CLINT1: variants seen among roughly 807,000 people sequenced by gnomAD.
CLINT1 encodes clathrin interactor 1, also known as clathrin interacting protein localized in the trans-Golgi region.
Under a neutral mutation model 70.4 loss-of-function variants are expected in CLINT1, and 15 were observed. The observed-to-expected ratio is 0.21, with a 90% confidence interval of 0.14 to 0.33. CLINT1 has a LOEUF of 0.33. Among genes scored for constraint, CLINT1 ranks in the 10% least tolerant of loss-of-function variants. The probability of loss-of-function intolerance (pLI) is 1.00; values close to 1 mark genes in which losing one functional copy is unlikely to be tolerated. For synonymous variants in CLINT1, 227 were observed against 254.7 expected (o/e 0.89, Z 1.04); for missense variants, 615 against 778.1 (o/e 0.79, Z 2.49).
chr5:157,788,013 G>A (rs1403226094), intron 11 of CLINT1, 21 bp from the exon 12 acceptor site: 7 of 1,563,688 alleles, frequency 4.5e-6, no homozygotes, highest in Non-Finnish European at 6.1e-6. Context: ...AAAACAGACA[G>A]AAGAACTTTA....
intron 1 of CLINT1, among the ~76,000 whole-genome samples, chr5:157,824,429 T>C (rs913166967): frequency 1.3e-5 from 2 of 152,122 alleles, no homozygotes; most frequent in Non-Finnish European, 2.9e-5. Flanking sequence ...TGAGGCTCTA[T>C]AGAAATGATG....
intron 1 of CLINT1, among the ~76,000 whole-genome samples, chr5:157,832,942 C>T (rs1291076774): frequency 2.0e-5 from 3 of 152,198 alleles, no homozygotes; most frequent in South Asian, 2.1e-4. Context: ...CTCTCTACTT[C>T]GACTCATCTT....
chr5:157,816,058 A>G (rs1260277707), intron 3 of CLINT1, among the ~76,000 whole-genome samples: 3 of 152,246 alleles, frequency 2.0e-5, no homozygotes, highest in Non-Finnish European at 2.9e-5. Flanking sequence ...CACACCTACC[A>G]TACAACCTGA....
rs1423161242 is a variant in CLINT1 at position 157,787,552 on chromosome 5, AAAAG to A, written c.*90_*93del. 3 of 1,014,144 alleles carry A rather than the reference AAAAG, an allele frequency of 3.0e-6. No individual in the cohort carries two copies. The highest frequency in any genetic ancestry group is 1.6e-5 in the African/African-American group (1 of 62,034). 62.8% of individuals were successfully genotyped at this position (1,014,144 alleles called of 1,614,324 possible). On this transcript the variant is annotated 3_prime_UTR_variant, in exon 12 of 12. Transcript: ENST00000411809. ...TGTAGATTTATTTTAATTACTTGAT[AAAAG>A]AAAGGGTAGTTGATTAGCATTTTCC... is the stretch of plus-strand genomic sequence containing the variant.
At chr5:157,852,110 T>C (rs956905349) in intron 1 of CLINT1, among the ~76,000 whole-genome samples, 1 of 152,246 alleles carries the variant, frequency 6.6e-6, no homozygotes, top group Non-Finnish European at 1.5e-5. Context: ...TTTGCATTTA[T>C]GAAATAAATC....
At chr5:157,839,092 G>A (rs1304582389) in intron 1 of CLINT1, among the ~76,000 whole-genome samples, 1 of 152,008 alleles carries the variant, frequency 6.6e-6, no homozygotes, top group East Asian at 1.9e-4. Context: ...GGCCAGATGT[G>A]GTGGTGTATG....
intron 1 of CLINT1, among the ~76,000 whole-genome samples, chr5:157,851,621 T>C (rs533576240): frequency 7.0e-6 from 1 of 143,358 alleles, no homozygotes; most frequent in South Asian, 2.2e-4. Context: ...CGCTTAAACC[T>C]AGGAGGCTGA....
chr5:157,838,992 T>C (rs550269502), intron 1 of CLINT1, among the ~76,000 whole-genome samples: 1 of 152,318 alleles, frequency 6.6e-6, no homozygotes, highest in Non-Finnish European at 1.5e-5. Flanking sequence ...CCCAGCACTT[T>C]GGGAGGTGGG....
At chr5:157,813,486 CAATTA>C (rs533469650) in intron 4 of CLINT1, among the ~76,000 whole-genome samples, 216 of 152,172 alleles carry the variant, frequency 1.4e-3, no homozygotes, top group Non-Finnish European at 2.0e-3. Context: ...TATGCAAGGT[CAATTA>C]AAGATTGACC....
In CLINT1 at chr5:157,787,877, C is replaced by T. The variant is rs1247418699; in HGVS notation, c.1647G>A (p.Met549Ile). 2 of 1,613,770 alleles carry T rather than the reference C, an allele frequency of 1.2e-6. No homozygotes were observed. The highest frequency in any genetic ancestry group is 1.7e-6 in the Non-Finnish European group (2 of 1,179,840). Residue 549 changes from methionine to isoleucine, a missense_variant, in exon 12 of 12, where the codon ATG (methionine) becomes ATA (isoleucine). Met to Ile is a conservative substitution (Grantham distance 10, BLOSUM62 1). Transcript: ENST00000411809. ...TCATCACATTGGGCATGCTCATAGG[C>T]ATGGGTCCCCCTATCAAAGCATTAG... ...PQTNALIGGP[M>I]PMSMPNVMTG...
intron 1 of CLINT1, among the ~76,000 whole-genome samples, chr5:157,839,550 C>T (rs1430091932): frequency 6.7e-6 from 1 of 149,852 alleles, no homozygotes; most frequent in Admixed American, 6.7e-5. Context: ...TGCAGTGAGC[C>T]GAGATTGTGC....
At chr5:157,858,468 C>A (rs1045290883) in intron 1 of CLINT1, among the ~76,000 whole-genome samples, 1 of 152,170 alleles carries the variant, frequency 6.6e-6, no homozygotes, top group African/African-American at 2.4e-5. Context: ...AAGACACACC[C>A]CAACCAGGTC....
At chr5:157,831,761 T>C (rs1210269573) in intron 1 of CLINT1, among the ~76,000 whole-genome samples, 2 of 150,994 alleles carry the variant, frequency 1.3e-5, no homozygotes, top group African/African-American at 4.9e-5. Flanking sequence ...TGGCACAATC[T>C]TGGCTCACTG....
intron 8 of CLINT1, chr5:157,796,087 A>G (rs1222565538): frequency 6.6e-6 from 1 of 152,222 alleles, no homozygotes; most frequent in South Asian, 2.1e-4. Context: ...AGGGAGAAAT[A>G]TCAATACAAT....
chr5:157,837,969 C>CT (rs1285445049), intron 1 of CLINT1, among the ~76,000 whole-genome samples: 3 of 151,972 alleles, frequency 2.0e-5, no homozygotes, highest in African/African-American at 7.3e-5. Context: ...CAGCCAAGAT[C>CT]TTTTACTCTT....
intron 11 of CLINT1, among the ~76,000 whole-genome samples, chr5:157,788,968 G>GAAAAAAAAAAAAAAAAAAAAAAAA (rs58634730): frequency 1.0e-5 from 1 of 95,578 alleles, no homozygotes; most frequent in Non-Finnish European, 2.2e-5. Flanking sequence ...CTCCATCTCA[G>GAAAAAAAAAAAAAAAAAAAAAAAA]AAAAAAAAAA....
rs368888638 is a variant in CLINT1 at position 157,809,665 on chromosome 5, G to A, written c.658C>T (p.Arg220Trp). The part of the protein sequence containing the change: ...STIDDTISKF[R>W]RKDREDSPER... ...GGAGAGTCTTCTCTATCTTTCCTCC[G>A]GAACTTGCTGATGGTGTCATCAATT... Residue 220 changes from arginine to tryptophan, a missense_variant, in exon 6 of 12, where the codon CGG (arginine) becomes TGG (tryptophan). Physicochemically the swap from Arg to Trp is moderately radical, Grantham distance 101 (BLOSUM62 -3). Coordinates refer to ENST00000411809, the MANE Select transcript of CLINT1 (RefSeq NM_014666.4). The A allele has an allele frequency of 1.1e-5, 17 of 1,611,918 alleles. No homozygotes were observed. The highest frequency in any genetic ancestry group is 2.7e-5 in the African/African-American group (2 of 74,624).
chr5:157,826,917 C>T (rs1473388552), intron 1 of CLINT1, among the ~76,000 whole-genome samples: 2 of 152,058 alleles, frequency 1.3e-5, no homozygotes, highest in Non-Finnish European at 2.9e-5. Flanking sequence ...AGCTTAAAAA[C>T]CAGTTTCCAA....
At chr5:157,844,588 T>G (rs1753305890) in intron 1 of CLINT1, among the ~76,000 whole-genome samples, 1 of 152,188 alleles carries the variant, frequency 6.6e-6, no homozygotes, top group Admixed American at 6.5e-5. Context: ...TCTAGATGTT[T>G]ACATCCTATG....
Sources: allele counts gnomAD v4.1 joint callset (sites outside exome capture counted in the v4.1 genomes callset), GRCh38; gene constraint gnomAD v4.1.1; transcripts MANE v1.5; gene names NCBI Gene and HGNC (gene_info 2026-07-23, HGNC 2026-07-21).